OPCML: variants seen among roughly 807,000 people sequenced by gnomAD.
OPCML encodes opioid-binding protein/cell adhesion molecule.
In OPCML, 13 loss-of-function variants were observed where a neutral mutation model predicts 37.8. That is an observed-to-expected ratio of 0.34 (90% CI 0.22 to 0.55). The LOEUF (loss-of-function observed/expected upper bound fraction) is 0.55. Among genes scored for constraint, OPCML ranks in the 20% least tolerant of loss-of-function variants. The probability of loss-of-function intolerance (pLI) is 0.91; values close to 1 mark genes in which losing one functional copy is unlikely to be tolerated. For missense variants in OPCML, 341 were observed against 435.6 expected, an observed-to-expected ratio of 0.78 and a Z score of 1.93; for synonymous variants, 176 against 168.8, an observed-to-expected ratio of 1.04 and a Z score of -0.33.
chr11:133,176,402 C>T (rs903686671), intron 1 of OPCML, among the ~76,000 whole-genome samples: 5 of 148,870 alleles, frequency 3.4e-5, no homozygotes, highest in African/African-American at 1.2e-4. Flanking sequence ...ATTAGGCAAG[C>T]AATATGGTTT....
chr11:132,512,891 G>T (rs1320618685), intron 4 of OPCML, among the ~76,000 whole-genome samples: 1 of 151,902 alleles, frequency 6.6e-6, no homozygotes, highest in Non-Finnish European at 1.5e-5. Flanking sequence ...ATGGTAATAT[G>T]CTGTATCTTG....
At chr11:133,448,081 T>C (rs981410488) in intron 1 of OPCML, among the ~76,000 whole-genome samples, 21 of 152,226 alleles carry the variant, frequency 1.4e-4, no homozygotes, top group African/African-American at 4.6e-4. Context: ...TGAATCATGC[T>C]TTTGGTATCA....
At chr11:133,191,506 T>TGTGG (rs1442940592) in intron 1 of OPCML, among the ~76,000 whole-genome samples, 123 of 132,944 alleles carry the variant, frequency 9.3e-4, no homozygotes, top group Non-Finnish European at 1.3e-3. Context: ...TGTGTGTGGG[T>TGTGG]GTGTGTGTGT....
At chr11:133,218,257 C>T (rs1308362606) in intron 1 of OPCML, among the ~76,000 whole-genome samples, 1 of 152,082 alleles carries the variant, frequency 6.6e-6, no homozygotes, top group Non-Finnish European at 1.5e-5. Flanking sequence ...TCTAGGAGCA[C>T]TTTTAATGTT....
At chr11:132,672,204 A>C (rs1023753299) in intron 2 of OPCML, among the ~76,000 whole-genome samples, 1 of 152,104 alleles carries the variant, frequency 6.6e-6, no homozygotes, top group Non-Finnish European at 1.5e-5. Flanking sequence ...GTCCCCTTCT[A>C]CTCAAATTAA....
At chr11:132,524,506 T>C (rs1045498739) in intron 4 of OPCML, among the ~76,000 whole-genome samples, 8 of 152,170 alleles carry the variant, frequency 5.3e-5, no homozygotes, top group Non-Finnish European at 5.9e-5. Flanking sequence ...AAAAATTAAG[T>C]ATAGATTTTT....
chr11:133,277,865 C>T (rs1242811968), intron 1 of OPCML, among the ~76,000 whole-genome samples: 1 of 152,000 alleles, frequency 6.6e-6, no homozygotes, highest in Non-Finnish European at 1.5e-5. Flanking sequence ...TTATTGTCCC[C>T]GTTTTGTAGG....
At chr11:132,820,105 A>ATG (rs1565887271) in intron 2 of OPCML, among the ~76,000 whole-genome samples, 5 of 151,840 alleles carry the variant, frequency 3.3e-5, no homozygotes, top group African/African-American at 9.7e-5. Flanking sequence ...GAATGAATGA[A>ATG]AGAAACCAGA....
intron 1 of OPCML, among the ~76,000 whole-genome samples, chr11:133,486,251 A>C (rs1425875436): frequency 1.3e-5 from 2 of 152,160 alleles, no homozygotes; most frequent in African/African-American, 4.8e-5. Flanking sequence ...AAATGACAAA[A>C]ATTGACTGTA....
chr11:133,215,217 T>TGTGAGA (rs61372974), intron 1 of OPCML, among the ~76,000 whole-genome samples: 7 of 150,828 alleles, frequency 4.6e-5, no homozygotes, highest in African/African-American at 1.7e-4. Flanking sequence ...TGTGTGTGTG[T>TGTGAGA]GAGAGAGAGA....
intron 1 of OPCML, chr11:133,423,388 T>G (rs1330067404): frequency 1.0e-6 from 1 of 985,268 alleles, no homozygotes; most frequent in Non-Finnish European, 1.2e-6. Context: ...AACTCCAAGC[T>G]TCTTTCCCTA....
chr11:132,552,450 C>G (rs1429092929), intron 3 of OPCML, among the ~76,000 whole-genome samples: 2 of 152,138 alleles, frequency 1.3e-5, no homozygotes, highest in African/African-American at 4.8e-5. Flanking sequence ...GTAACAACTT[C>G]AATCACTTGC....
intron 1 of OPCML, among the ~76,000 whole-genome samples, chr11:133,130,528 T>C (rs1949587656): frequency 6.6e-6 from 1 of 152,118 alleles, no homozygotes; most frequent in Admixed American, 6.5e-5. Context: ...CCTAAATAAA[T>C]TGATATTTCG....
chr11:132,924,816 A>C (rs1209906500), intron 2 of OPCML, among the ~76,000 whole-genome samples: 2 of 152,174 alleles, frequency 1.3e-5, no homozygotes, highest in African/African-American at 4.8e-5. Context: ...GTCCGGCATT[A>C]ATCTTGGGAT....
chr11:132,995,862 A>G (rs1946875199), intron 1 of OPCML, among the ~76,000 whole-genome samples: 1 of 152,236 alleles, frequency 6.6e-6, no homozygotes, highest in South Asian at 2.1e-4. Flanking sequence ...CAAGGGTGAA[A>G]GAAGCAGCTA....
At chr11:132,749,406 A>G (rs1336920158) in intron 2 of OPCML, among the ~76,000 whole-genome samples, 1 of 152,170 alleles carries the variant, frequency 6.6e-6, no homozygotes, top group Non-Finnish European at 1.5e-5. Context: ...AGACGATAGG[A>G]AAGACTGAAG....
chr11:133,448,482 G>T (rs1265054369), intron 1 of OPCML, among the ~76,000 whole-genome samples: 6 of 152,024 alleles, frequency 3.9e-5, no homozygotes, highest in Non-Finnish European at 5.9e-5. Flanking sequence ...TTTTGAGACA[G>T]AGTCTCACTC....
intron 4 of OPCML, among the ~76,000 whole-genome samples, chr11:132,496,540 C>A (rs1044962227): frequency 6.6e-6 from 1 of 152,212 alleles, no homozygotes; most frequent in Non-Finnish European, 1.5e-5. Context: ...TGGCCTCCTG[C>A]CACTCTGGGC....
chr11:133,407,621 C>A (rs1053969294), intron 1 of OPCML, among the ~76,000 whole-genome samples: 2 of 152,130 alleles, frequency 1.3e-5, no homozygotes, highest in Admixed American at 6.5e-5. Context: ...CAAACCCACA[C>A]GTGGGTGGCA....
Sources: gnomAD v4.1 joint callset for allele counts (sites outside exome capture counted in the v4.1 genomes callset) on GRCh38, gnomAD v4.1.1 for gene constraint, MANE v1.5 for transcripts, NCBI Gene and HGNC (gene_info 2026-07-23, HGNC 2026-07-21) for gene names.